The following SMYD2 variants were observed in gnomAD, a reference collection of about 807,000 sequenced individuals.
SMYD2 encodes N-lysine methyltransferase SMYD2.
In SMYD2, 53 loss-of-function variants were observed where a neutral mutation model predicts 59.1. The ratio of observed to expected loss-of-function variants is 0.90; its 90% CI spans 0.72 to 1.13. The LOEUF (loss-of-function observed/expected upper bound fraction) is 1.13. Among genes scored for constraint, SMYD2 ranks in the 50% most tolerant of loss-of-function variants. The pLI, the probability that SMYD2 is intolerant of heterozygous loss-of-function variation, is 0.00. For synonymous variants in SMYD2, 208 were observed against 198.8 expected, an observed-to-expected ratio of 1.05 and a Z score of -0.39; for missense variants, 494 against 544.7, an observed-to-expected ratio of 0.91 and a Z score of 0.93.
rs1356802328 is a variant in SMYD2, at chr1:214,323,873, A to AT, written c.535-766dup. ...TAACAGAGAGAGGGATAGCAGTTAGATTAGATGAATAAGGGCTTCATATTT... is the reference window on the plus strand; with the variant it reads ...TAACAGAGAGAGGGATAGCAGTTAGATTTAGATGAATAAGGGCTTCATATTT... On this transcript the variant is annotated intron_variant, in intron 5 of 11. Coordinates refer to ENST00000366957, the MANE Select transcript of SMYD2 (RefSeq NM_020197.3). Among the ~76,000 whole-genome samples the AT allele has an allele frequency of 2.0e-5, 3 of 152,332 alleles. No individual in the cohort carries two copies. In the East Asian group the frequency reaches 5.8e-4, roughly 29 times the overall value.
At chr1:214,326,464 ATTTG>A (rs1657263880) in intron 6 of SMYD2, among the ~76,000 whole-genome samples, 1 of 152,024 alleles carries the variant, frequency 6.6e-6, no homozygotes, top group African/African-American at 2.4e-5. Flanking sequence ...CCTTCGATGC[ATTTG>A]TTTATTTGAT....
intron 3 of SMYD2, among the ~76,000 whole-genome samples, chr1:214,315,339 G>A (rs185820875): frequency 6.6e-6 from 1 of 152,260 alleles, no homozygotes; most frequent in African/African-American, 2.4e-5. Flanking sequence ...GAATTGGATG[G>A]AACAGCCTTG....
intron 2 of SMYD2, among the ~76,000 whole-genome samples, chr1:214,310,636 A>T (rs1245406627): frequency 6.6e-6 from 1 of 151,930 alleles, no homozygotes; most frequent in Non-Finnish European, 1.5e-5. Flanking sequence ...GATAACATTT[A>T]AAAAAGCATA....
chr1:214,314,101 C>T (rs948988427), intron 2 of SMYD2, among the ~76,000 whole-genome samples: 9 of 151,972 alleles, frequency 5.9e-5, no homozygotes, highest in Non-Finnish European at 1.0e-4. Context: ...CACTTGAACC[C>T]GGGAGGCAGA....
Position 214,287,142 on chromosome 1 carries a change from G to A in SMYD2, c.173+5715G>A, listed in dbSNP as rs182580792. ...CCACGCCTGGCCTGATCTCATACTT[G>A]TTTGATGAACTCTGCTGGCTAAATG... is the stretch of plus-strand genomic sequence containing the variant. On this transcript the variant is annotated intron_variant, in intron 1 of 11. Transcript: ENST00000366957. Among the ~76,000 whole-genome samples the A allele has an allele frequency of 4.6e-3, 703 of 152,018 alleles. 3 individuals carry two copies. The highest frequency in any genetic ancestry group is 7.8e-3 in the Non-Finnish European group (528 of 67,980).
At chr1:214,308,487 GGGTTC>G (rs150233704) in intron 2 of SMYD2, among the ~76,000 whole-genome samples, 2,307 of 152,320 alleles carry the variant, frequency 0.015, 27 homozygotes, top group East Asian at 0.037. Flanking sequence ...AATGTGTTCA[GGGTTC>G]GGCTTAAGGG....
At chr1:214,325,114 T>C (rs756030028) in intron 6 of SMYD2, among the ~76,000 whole-genome samples, 5 of 152,248 alleles carry the variant, frequency 3.3e-5, no homozygotes, top group Non-Finnish European at 7.3e-5. Flanking sequence ...TATGAGCTTC[T>C]TCTCCATCTG....
intron 1 of SMYD2, among the ~76,000 whole-genome samples, chr1:214,297,356 C>G (rs1278891821): frequency 1.3e-5 from 2 of 151,402 alleles, no homozygotes; most frequent in Non-Finnish European, 2.9e-5. Flanking sequence ...TTATTTTGCT[C>G]AGTCTTTTCC....
At chr1:214,288,360 C>CT (rs1414462025) in intron 1 of SMYD2, among the ~76,000 whole-genome samples, 3 of 152,136 alleles carry the variant, frequency 2.0e-5, no homozygotes, top group African/African-American at 4.8e-5. Context: ...AATTTCACAC[C>CT]TTTTTTGTCA....
chr1:214,323,339 C>T (rs888725963), intron 5 of SMYD2, among the ~76,000 whole-genome samples: 1 of 152,190 alleles, frequency 6.6e-6, no homozygotes, highest in African/African-American at 2.4e-5. Flanking sequence ...TAGAACAGTA[C>T]ATAAGTTAGG....
intron 10 of SMYD2, 83 bp downstream of exon 10, chr1:214,332,275 A>G: frequency 1.3e-6 from 2 of 1,503,116 alleles, no homozygotes; most frequent in Non-Finnish European, 1.8e-6. Flanking sequence ...CTTCCTGCCC[A>G]TTGCTGAGAC....
chr1:214,286,776 G>A (rs1374707992), intron 1 of SMYD2, among the ~76,000 whole-genome samples: 1 of 140,464 alleles, frequency 7.1e-6, no homozygotes, highest in Admixed American at 7.1e-5. Flanking sequence ...AAAAGCGTAT[G>A]AATACCCACC....
At chr1:214,298,740 A>G (rs979569596) in intron 1 of SMYD2, among the ~76,000 whole-genome samples, 1 of 152,212 alleles carries the variant, frequency 6.6e-6, no homozygotes, top group African/African-American at 2.4e-5. Flanking sequence ...AAGACATACA[A>G]GTGGCCAATA....
chr1:214,321,532 C>A (rs184717476), intron 5 of SMYD2, among the ~76,000 whole-genome samples: 1 of 152,210 alleles, frequency 6.6e-6, no homozygotes, highest in East Asian at 1.9e-4. Context: ...CCAGCAGCTA[C>A]GTGTCTGCTG....
At chr1:214,288,553 G>A (rs374403233) in intron 1 of SMYD2, among the ~76,000 whole-genome samples, 8 of 152,054 alleles carry the variant, frequency 5.3e-5, no homozygotes, top group East Asian at 3.9e-4. Context: ...GGCTTAATCC[G>A]TCTCTGATAT....
chr1:214,292,332 T>C (rs187582290), intron 1 of SMYD2, among the ~76,000 whole-genome samples: 1 of 152,158 alleles, frequency 6.6e-6, no homozygotes, highest in South Asian at 2.1e-4. Flanking sequence ...TGCACACACA[T>C]ATATGCACCT....
In SMYD2 at chr1:214,327,711, A is replaced by C. The variant is rs1657285444; in HGVS notation, c.692A>C (p.Lys231Thr). 1 of 1,614,154 alleles carries C rather than the reference A, an allele frequency of 6.2e-7. No homozygotes were observed. Among genetic ancestry groups the C allele is most frequent in the Admixed American group, 1.7e-5 (1 of 60,028 alleles). The change falls in exon 7 of 12, where the codon AAG becomes ACG. Residue 231 changes from lysine to threonine, a missense_variant. Transcript: ENST00000366957. ...GAAGTCAGAGCTGTACAGGAAATCA[A>C]GCCGGGAGAGGAGGTGAGTTCATGG... is the stretch of plus-strand genomic sequence containing the variant. ...LAEVRAVQEI[K>T]PGEEVFTSYI...
At chr1:214,319,826 A>G (rs1035991695) in intron 5 of SMYD2, among the ~76,000 whole-genome samples, 4 of 152,242 alleles carry the variant, frequency 2.6e-5, no homozygotes, top group Non-Finnish European at 4.4e-5. Context: ...ATTCTGCTCC[A>G]TGGGAGCAAG....
Position 214,318,249 on chromosome 1 carries a change from T to A in SMYD2, c.409+110T>A. ...GTTTGTGCTCAGAGGAGTAGTGATT[T>A]CTTTGATTACTAGTTTTTATTTTTA... On this transcript the variant is annotated intron_variant, in intron 4 of 11. Coordinates refer to ENST00000366957, the MANE Select transcript of SMYD2 (RefSeq NM_020197.3). This position sits in a 1 kb window ranked among gnomAD's most constrained non-coding sequence, Gnocchi z 5.4. 1.0e-6 allele frequency: 1 copy of A among 976,784 alleles called. No homozygotes were observed. Among genetic ancestry groups the A allele is most frequent in the Non-Finnish European group, 1.5e-6 (1 of 653,186 alleles). 60.5% of individuals were successfully genotyped at this position (976,784 alleles called of 1,614,324 possible). A position where few individuals can be genotyped will look rare whatever the true frequency, so the allele number is the denominator to read the frequency against.
Sources: gnomAD v4.1 joint callset for allele counts (sites outside exome capture counted in the v4.1 genomes callset) on GRCh38, gnomAD v4.1.1 for gene constraint, Gnocchi (gnomAD v3.1) non-coding constraint, MANE v1.5 for transcripts, NCBI Gene and HGNC (gene_info 2026-07-23, HGNC 2026-07-21) for gene names.